THSD7A: variants seen among roughly 807,000 people sequenced by gnomAD.
THSD7A encodes the protein thrombospondin type-1 domain-containing protein 7A.
THSD7A carries 96 observed loss-of-function variants against 231.3 expected under a neutral mutation model. That is an observed-to-expected ratio of 0.41 (90% CI 0.35 to 0.49). The LOEUF is 0.49. Ranked by LOEUF, THSD7A falls within the 20% of genes least tolerant of loss-of-function variation. The probability of loss-of-function intolerance (pLI) is 0.05; values close to 1 mark genes in which losing one functional copy is unlikely to be tolerated. For missense variants in THSD7A, 2,290 were observed against 2,070.2 expected (o/e 1.11, Z -2.06); for synonymous variants, 940 against 743.3 (o/e 1.26, Z -4.30).
chr7:11,432,434 C>T (rs1335289715), intron 13 of THSD7A, among the ~76,000 whole-genome samples: 1 of 152,080 alleles, frequency 6.6e-6, no homozygotes, highest in Admixed American at 6.6e-5. Context: ...CCCCTGAAAT[C>T]AATAGTCCAG....
intron 13 of THSD7A, among the ~76,000 whole-genome samples, chr7:11,442,945 A>G (rs906689795): frequency 6.6e-6 from 1 of 152,066 alleles, no homozygotes; most frequent in South Asian, 2.1e-4. Flanking sequence ...ACAGTACTGC[A>G]TTCTTCATGC....
intron 1 of THSD7A, among the ~76,000 whole-genome samples, chr7:11,828,491 T>G (rs972526143): frequency 6.6e-6 from 1 of 152,206 alleles, no homozygotes; most frequent in African/African-American, 2.4e-5. Context: ...GTTCTTATAA[T>G]GTTCTGTTCA....
intron 9 of THSD7A, among the ~76,000 whole-genome samples, chr7:11,462,605 T>C (rs1455673054): frequency 6.6e-6 from 1 of 152,216 alleles, no homozygotes. Flanking sequence ...TTCTTTGTTA[T>C]TCATTTAATT....
At chr7:11,706,181 G>A (rs1247675862) in intron 1 of THSD7A, among the ~76,000 whole-genome samples, 1 of 150,812 alleles carries the variant, frequency 6.6e-6, no homozygotes, top group Non-Finnish European at 1.5e-5. Flanking sequence ...ATTAATATGT[G>A]CTGCTACAAA....
chr7:11,403,947 T>C (rs1229784917), intron 22 of THSD7A, among the ~76,000 whole-genome samples: 1 of 152,190 alleles, frequency 6.6e-6, no homozygotes, highest in African/African-American at 2.4e-5. Flanking sequence ...TTAGTTCACA[T>C]ACTGCCAGCT....
At chr7:11,680,085 A>T (rs1783809559) in intron 1 of THSD7A, among the ~76,000 whole-genome samples, 1 of 152,166 alleles carries the variant, frequency 6.6e-6, no homozygotes, top group Non-Finnish European at 1.5e-5. Context: ...GACAAAAAAA[A>T]AAAAAGTAAT....
intron 1 of THSD7A, among the ~76,000 whole-genome samples, chr7:11,785,130 T>C (rs148660353): frequency 6.6e-6 from 1 of 152,274 alleles, no homozygotes; most frequent in Non-Finnish European, 1.5e-5. Context: ...AGACCCTGAT[T>C]ACTAAATTTC....
Position 11,542,982 on chromosome 7 carries a change from T to C in THSD7A, c.1589A>G (p.Asn530Ser). The change falls in exon 5 of 28, where the codon AAT becomes AGT. Residue 530 changes from asparagine to serine, a missense_variant. Physicochemically the swap from Asn to Ser is conservative, Grantham distance 46. Transcript: ENST00000423059. ...CCTACCTTTTTTCCCTTGCTGATCA[T>C]TACAGTTTTCATAAGTACAAGGTCC... ...AWGPCTYENC[N>S]DQQGKKGFKL... The C allele has an allele frequency of 1.2e-6, 2 of 1,613,708 alleles. No homozygotes were observed. The highest frequency in any genetic ancestry group is 3.3e-5 in the Admixed American group (2 of 59,996).
chr7:11,674,785 C>T (rs878923158), intron 1 of THSD7A, among the ~76,000 whole-genome samples: 1 of 152,122 alleles, frequency 6.6e-6, no homozygotes, highest in Non-Finnish European at 1.5e-5. Context: ...AAGGATTGCA[C>T]TAGAACCCTA....
chr7:11,703,803 A>T (rs920139533), intron 1 of THSD7A, among the ~76,000 whole-genome samples: 1 of 151,220 alleles, frequency 6.6e-6, no homozygotes, highest in Non-Finnish European at 1.5e-5. Context: ...GAGCAAATTA[A>T]CATGCTTCAT....
chr7:11,531,350 G>A lies in THSD7A; in HGVS notation c.1822+10069C>T, dbSNP rs190195265. ...ATCAGTGATTCTTTAAAAACATGTC[G>A]GTTCTGGTCATTTGTTTCAAACCCT... On this transcript the variant is annotated intron_variant, in intron 6 of 27. Transcript: ENST00000423059. Among the ~76,000 whole-genome samples, 49 of 152,186 alleles carry A rather than the reference G, an allele frequency of 3.2e-4. 1 individual carries two copies. The highest frequency in any genetic ancestry group is 6.2e-4 in the South Asian group (3 of 4,818).
At chr7:11,609,052 C>T (rs770824105) in intron 2 of THSD7A, among the ~76,000 whole-genome samples, 4 of 152,244 alleles carry the variant, frequency 2.6e-5, no homozygotes, top group South Asian at 2.1e-4. Context: ...GATAAACTGC[C>T]GTTGTTCTCT....
At chr7:11,541,028 C>T (rs1789124248) in intron 6 of THSD7A, among the ~76,000 whole-genome samples, 1 of 152,196 alleles carries the variant, frequency 6.6e-6, no homozygotes. Flanking sequence ...ACAATGCTTA[C>T]AACCCTTTTT....
chr7:11,510,430 C>T (rs1450474581), intron 6 of THSD7A, among the ~76,000 whole-genome samples: 1 of 152,112 alleles, frequency 6.6e-6, no homozygotes, highest in Admixed American at 6.5e-5. Flanking sequence ...TTTATGAGAC[C>T]AGCATCATCC....
At chr7:11,459,715 A>AT (rs34322687) in intron 11 of THSD7A, among the ~76,000 whole-genome samples, 3 of 30,028 alleles carry the variant, frequency 1.0e-4, no homozygotes, top group East Asian at 1.2e-3. Flanking sequence ...AAACAGAAGC[A>AT]TTTTTTTCTT....
At chr7:11,472,328 T>A (rs1317069204) in intron 8 of THSD7A, among the ~76,000 whole-genome samples, 2 of 152,108 alleles carry the variant, frequency 1.3e-5, no homozygotes, top group African/African-American at 2.4e-5. Flanking sequence ...ACAGATAAGA[T>A]CAATAACATT....
chr7:11,455,896 T>C (rs1785292071), intron 11 of THSD7A, among the ~76,000 whole-genome samples: 1 of 152,026 alleles, frequency 6.6e-6, no homozygotes, highest in Non-Finnish European at 1.5e-5. Context: ...TCACAGATAG[T>C]TCCTCCAATT....
chr7:11,695,918 T>C (rs550424799), intron 1 of THSD7A, among the ~76,000 whole-genome samples: 8 of 151,634 alleles, frequency 5.3e-5, no homozygotes, highest in African/African-American at 1.7e-4. Context: ...CCTAGGGAGA[T>C]AGGAGGCTAT....
At chr7:11,822,628 G>C (rs1360356085) in intron 1 of THSD7A, among the ~76,000 whole-genome samples, 1 of 151,974 alleles carries the variant, frequency 6.6e-6, no homozygotes, top group Non-Finnish European at 1.5e-5. Context: ...TTTCCATAGT[G>C]TTTTCCATAG....
Sources: allele counts gnomAD v4.1 joint callset (sites outside exome capture counted in the v4.1 genomes callset), GRCh38; gene constraint gnomAD v4.1.1; transcripts MANE v1.5; gene names NCBI Gene and HGNC (gene_info 2026-07-23, HGNC 2026-07-21).